Variants in GRM7 observed in about 807,000 individuals in gnomAD.
GRM7 encodes metabotropic glutamate receptor 7.
A neutral mutation model predicts 84.5 loss-of-function variants in GRM7; 35 were observed. The observed-to-expected ratio is 0.41, with a 90% CI of 0.32 to 0.55. The LOEUF (loss-of-function observed/expected upper bound fraction) is 0.55. GRM7 is among the 20% of genes least tolerant of loss of function. GRM7 has a pLI of 0.19. For synonymous variants in GRM7, 487 were observed against 455.1 expected (o/e 1.07, Z -0.89); for missense variants, 1,003 against 1,194.6 (o/e 0.84, Z 2.36).
At chr3:7,635,994 C>G (rs1698077137) in intron 8 of GRM7, among the ~76,000 whole-genome samples, 2 of 152,262 alleles carry the variant, frequency 1.3e-5, no homozygotes, top group East Asian at 1.9e-4. Flanking sequence ...TCTTTACAAG[C>G]TAATTTACTT....
intron 1 of GRM7, among the ~76,000 whole-genome samples, chr3:6,955,134 A>G (rs1692976359): frequency 6.6e-6 from 1 of 152,254 alleles, no homozygotes; most frequent in Non-Finnish European, 1.5e-5. Context: ...TTTCACATAA[A>G]TTATGTCTTT....
intron 4 of GRM7, among the ~76,000 whole-genome samples, chr3:7,357,621 G>C (rs1693468029): frequency 6.6e-6 from 1 of 152,062 alleles, no homozygotes; most frequent in South Asian, 2.1e-4. Flanking sequence ...CACCTTTCTA[G>C]CTGGTGACAG....
In GRM7 at chr3:7,571,925, G is replaced by A. The variant is rs1375757358; in HGVS notation, c.1516-6497G>A. Reference sequence around the variant, plus strand: ...TAAGTCATGTCTTACATGGATGGCAGCAGGCAAAGAGAGAGCTTGTGCAGG... The same window carrying A: ...TAAGTCATGTCTTACATGGATGGCAACAGGCAAAGAGAGAGCTTGTGCAGG... On this transcript the variant is annotated intron_variant, in intron 7 of 9. Coordinates refer to ENST00000357716, the MANE Select transcript of GRM7 (RefSeq NM_000844.4). 4.6e-5 allele frequency among the ~76,000 whole-genome samples: 7 copies of A among 152,192 alleles called. No homozygotes were observed. In the East Asian group the frequency reaches 1.3e-3, roughly 29 times the overall value.
At chr3:7,398,675 C>T (rs1055234488) in intron 4 of GRM7, among the ~76,000 whole-genome samples, 4 of 151,720 alleles carry the variant, frequency 2.6e-5, no homozygotes, top group East Asian at 3.9e-4. Context: ...GTTTTTGTGT[C>T]GGTGTTGGGG....
At chr3:7,301,822 G>A (rs1269016331) in intron 3 of GRM7, among the ~76,000 whole-genome samples, 2 of 152,100 alleles carry the variant, frequency 1.3e-5, no homozygotes, top group East Asian at 3.9e-4. Context: ...AACCCATAAT[G>A]TTACGTTATT....
At chr3:6,927,444 GAGA>G (rs954286581) in intron 1 of GRM7, among the ~76,000 whole-genome samples, 99 of 86,408 alleles carry the variant, frequency 1.1e-3, no homozygotes, top group Non-Finnish European at 1.9e-3. Context: ...AAAGAAGAAA[GAGA>G]AGAAAGAAAG....
intron 6 of GRM7, among the ~76,000 whole-genome samples, chr3:7,457,987 G>A (rs1472558379): frequency 6.6e-6 from 1 of 152,180 alleles, no homozygotes; most frequent in Non-Finnish European, 1.5e-5. Flanking sequence ...AATATTCAGA[G>A]TGGTTTCTTG....
chr3:7,522,060 C>T (rs958924061), intron 7 of GRM7, among the ~76,000 whole-genome samples: 2 of 152,112 alleles, frequency 1.3e-5, no homozygotes, highest in African/African-American at 4.8e-5. Context: ...TGCCCTTTCT[C>T]CCAGCTCATT....
At chr3:7,220,490 A>T (rs781298638) in intron 2 of GRM7, among the ~76,000 whole-genome samples, 1 of 152,226 alleles carries the variant, frequency 6.6e-6, no homozygotes, top group Non-Finnish European at 1.5e-5. Flanking sequence ...TACCAAAGGC[A>T]TAGAAAACAA....
At chr3:7,201,808 G>T (rs1047540249) in intron 2 of GRM7, among the ~76,000 whole-genome samples, 5 of 152,174 alleles carry the variant, frequency 3.3e-5, no homozygotes, top group Admixed American at 6.5e-5. Flanking sequence ...TTGGAAATAG[G>T]ATGTGGGCAT....
intron 4 of GRM7, among the ~76,000 whole-genome samples, chr3:7,336,868 C>T (rs760909836): frequency 5.9e-5 from 9 of 151,756 alleles, no homozygotes; most frequent in African/African-American, 9.7e-5. Flanking sequence ...AGGAAAACTA[C>T]AAAACACTGC....
At chr3:7,531,474 C>G (rs1173267358) in intron 7 of GRM7, among the ~76,000 whole-genome samples, 2 of 152,050 alleles carry the variant, frequency 1.3e-5, no homozygotes, top group African/African-American at 4.8e-5. Flanking sequence ...TGTTTGTGTC[C>G]TCTCTTATTT....
chr3:7,500,336 G>A (rs574770995), intron 7 of GRM7, among the ~76,000 whole-genome samples: 2 of 152,304 alleles, frequency 1.3e-5, no homozygotes, highest in African/African-American at 4.8e-5. Context: ...TGTATTAGAG[G>A]TGTCATCCCC....
intron 4 of GRM7, among the ~76,000 whole-genome samples, chr3:7,322,494 T>C (rs922813722): frequency 1.3e-5 from 2 of 152,024 alleles, no homozygotes; most frequent in African/African-American, 4.8e-5. Flanking sequence ...GATTCTGGTG[T>C]ACCTGTCACC....
chr3:7,530,352 AT>A (rs1296779635), intron 7 of GRM7, among the ~76,000 whole-genome samples: 2 of 152,128 alleles, frequency 1.3e-5, no homozygotes, highest in Non-Finnish European at 2.9e-5. Flanking sequence ...ATTAATGGAC[AT>A]TTGGGTTGGT....
At chr3:7,630,494 G>T (rs1418852475) in intron 8 of GRM7, among the ~76,000 whole-genome samples, 2 of 152,092 alleles carry the variant, frequency 1.3e-5, no homozygotes, top group Non-Finnish European at 2.9e-5. Context: ...CCTCTTCCTT[G>T]ATCAGAGGAA....
chr3:6,946,666 A>C (rs569110145), intron 1 of GRM7, among the ~76,000 whole-genome samples: 10,045 of 152,124 alleles, frequency 0.066, 462 homozygotes, highest in African/African-American at 0.12. Flanking sequence ...GGCCATTTTC[A>C]TGATATTGAT....
At chr3:7,645,551 A>T (rs2125108874) in intron 8 of GRM7, among the ~76,000 whole-genome samples, 1 of 139,812 alleles carries the variant, frequency 7.2e-6, no homozygotes, top group South Asian at 2.1e-4. Context: ...CATCTTAAAA[A>T]AAAAAAAAAA....
chr3:7,568,826 C>A lies in GRM7; in HGVS notation c.1516-9596C>A, dbSNP rs530304038. 2.7e-4 allele frequency among the ~76,000 whole-genome samples: 41 copies of A among 152,254 alleles called. 1 individual carries two copies. The South Asian group carries it at 7.7e-3, about 28-fold the overall frequency. On this transcript the variant is annotated intron_variant, in intron 7 of 9. Transcript: ENST00000357716. ...TGATTTCTTGCCGGGCCTTAGCTGCCTCCCCGTGGGGAGGGCTCGGGACCT... is the reference window on the plus strand; with the variant it reads ...TGATTTCTTGCCGGGCCTTAGCTGCATCCCCGTGGGGAGGGCTCGGGACCT...
Sources: gnomAD v4.1 joint callset for allele counts (sites outside exome capture counted in the v4.1 genomes callset) on GRCh38, gnomAD v4.1.1 for gene constraint, MANE v1.5 for transcripts, NCBI Gene and HGNC (gene_info 2026-07-23, HGNC 2026-07-21) for gene names.